The following FNIP1 variants were observed in gnomAD, a reference collection of about 807,000 sequenced individuals.
FNIP1 encodes the protein folliculin-interacting protein 1.
Under a neutral mutation model 124.5 loss-of-function variants are expected in FNIP1, and 40 were observed. That is an observed-to-expected ratio of 0.32 (90% CI 0.25 to 0.42). FNIP1 has a LOEUF of 0.42. FNIP1 is among the 10% of genes least tolerant of loss of function. The probability of loss-of-function intolerance (pLI) is 1.00; values close to 1 mark genes in which losing one functional copy is unlikely to be tolerated. For synonymous variants in FNIP1, 472 were observed against 470.6 expected, an observed-to-expected ratio of 1.00 and a Z score of -0.04; for missense variants, 1,176 against 1,403.7, an observed-to-expected ratio of 0.84 and a Z score of 2.59.
chr5:131,760,867 A>G (rs1366444046), intron 1 of FNIP1, among the ~76,000 whole-genome samples: 1 of 132,398 alleles, frequency 7.6e-6, no homozygotes. Context: ...GGAGGGAAAG[A>G]GGGAAGAAGG....
chr5:131,787,594 A>C (rs1018745636), intron 1 of FNIP1, among the ~76,000 whole-genome samples: 1 of 152,224 alleles, frequency 6.6e-6, no homozygotes, highest in Non-Finnish European at 1.5e-5. Context: ...CTTAATAGCC[A>C]CGTGACATGG....
chr5:131,707,472 C>T (rs1015531589), intron 8 of FNIP1, among the ~76,000 whole-genome samples: 2 of 152,170 alleles, frequency 1.3e-5, no homozygotes, highest in Admixed American at 1.3e-4. Flanking sequence ...AAAACTGAGA[C>T]ACTTTCATTA....
At chr5:131,722,489 C>A (rs1361430544) in intron 3 of FNIP1, among the ~76,000 whole-genome samples, 3 of 152,162 alleles carry the variant, frequency 2.0e-5, no homozygotes, top group Non-Finnish European at 4.4e-5. Context: ...CATTTTACAA[C>A]TGGAGACCAG....
intron 15 of FNIP1, among the ~76,000 whole-genome samples, chr5:131,657,151 C>CT (rs1479482702): frequency 1.3e-5 from 2 of 151,678 alleles, no homozygotes; most frequent in African/African-American, 4.8e-5. Context: ...CTACAGGCAC[C>CT]TGCCACCATG....
At chr5:131,650,871 G>C (rs1767018428) in intron 16 of FNIP1, among the ~76,000 whole-genome samples, 1 of 152,174 alleles carries the variant, frequency 6.6e-6, no homozygotes, top group Admixed American at 6.5e-5. Flanking sequence ...TTTAGAAAGA[G>C]GTTACCAGTA....
At chr5:131,700,749 A>C (rs1768871571) in intron 10 of FNIP1, among the ~76,000 whole-genome samples, 1 of 152,156 alleles carries the variant, frequency 6.6e-6, no homozygotes, top group Admixed American at 6.5e-5. Flanking sequence ...TAAAAAAAAA[A>C]ATAGTCTGAA....
rs59097834 is a variant in FNIP1 at position 131,657,736 on chromosome 5, C to CAAAAAAAAAAAAAAAAA, written c.3109-5754_3109-5738dup. On this transcript the variant is annotated intron_variant, in intron 15 of 17. Coordinates refer to ENST00000510461, the MANE Select transcript of FNIP1 (RefSeq NM_133372.3). Reference sequence around the variant, plus strand: ...ATGATGAAAGAGCTTGAAAATAAGGCAAAAAAAAAAAAAAAAAAAAAACGG... The same window carrying CAAAAAAAAAAAAAAAAA: ...ATGATGAAAGAGCTTGAAAATAAGGCAAAAAAAAAAAAAAAAAAAAAAAAAAAAAAAAAAAAAAACGG... Among the ~76,000 whole-genome samples the CAAAAAAAAAAAAAAAAA allele has an allele frequency of 1.1e-4, 7 of 65,042 alleles. 1 individual carries two copies. Among genetic ancestry groups the CAAAAAAAAAAAAAAAAA allele is most frequent in the African/African-American group, 3.7e-4 (6 of 16,148 alleles). The allele number at this position is 65,042 out of a possible 152,430, so 42.7% of individuals were successfully genotyped here.
chr5:131,693,337 T>TATATATAC (rs1561658359), intron 11 of FNIP1, among the ~76,000 whole-genome samples: 11 of 118,294 alleles, frequency 9.3e-5, no homozygotes, highest in Non-Finnish European at 1.6e-4. Flanking sequence ...TATATACATA[T>TATATATAC]ATATATATAT....
At chr5:131,662,501 C>T (rs2149510485) in intron 15 of FNIP1, among the ~76,000 whole-genome samples, 1 of 152,284 alleles carries the variant, frequency 6.6e-6, no homozygotes, top group South Asian at 2.1e-4. Flanking sequence ...CTCTAGACTC[C>T]TTCTGGGAAA....
chr5:131,783,169 T>C (rs1228726526), intron 1 of FNIP1, among the ~76,000 whole-genome samples: 1 of 152,220 alleles, frequency 6.6e-6, no homozygotes, highest in Non-Finnish European at 1.5e-5. Flanking sequence ...TTATATACTA[T>C]GAAGTTCCCT....
At chr5:131,675,687 T>G (rs1767888916) in intron 13 of FNIP1, among the ~76,000 whole-genome samples, 1 of 151,916 alleles carries the variant, frequency 6.6e-6, no homozygotes, top group Non-Finnish European at 1.5e-5. Context: ...AGTAGGCCAG[T>G]GGCTGCCTAG....
chr5:131,774,037 T>C (rs1771725733), intron 1 of FNIP1, among the ~76,000 whole-genome samples: 1 of 152,194 alleles, frequency 6.6e-6, no homozygotes, highest in South Asian at 2.1e-4. Flanking sequence ...TTTAATTCCT[T>C]TGCATTTTGA....
chr5:131,767,216 G>A (rs956621555), intron 1 of FNIP1, among the ~76,000 whole-genome samples: 22 of 151,822 alleles, frequency 1.4e-4, no homozygotes, highest in African/African-American at 4.8e-4. Flanking sequence ...GGCAGATCAC[G>A]AGGTCAAGAG....
rs115523580 is a variant in FNIP1, at chr5:131,677,212, A to G, written c.1519+491T>C. On this transcript the variant is annotated intron_variant, in intron 13 of 17. Coordinates refer to ENST00000510461, the MANE Select transcript of FNIP1 (RefSeq NM_133372.3). The stretch of plus-strand genomic sequence containing the variant: ...CTGGTACAATCCCTCCCTATTGTCT[A>G]TGAACTTATCAACCATCTACTCTCC... 1.8e-3 allele frequency among the ~76,000 whole-genome samples: 280 copies of G among 152,260 alleles called. 1 individual carries two copies. Among genetic ancestry groups the G allele is most frequent in the African/African-American group, 5.8e-3 (239 of 41,540 alleles).
intron 1 of FNIP1, among the ~76,000 whole-genome samples, chr5:131,777,927 T>C (rs1276260028): frequency 6.6e-6 from 1 of 152,188 alleles, no homozygotes. Context: ...ATAATTACTG[T>C]AATCATCACC....
intron 15 of FNIP1, among the ~76,000 whole-genome samples, chr5:131,668,202 G>A (rs911934054): frequency 5.9e-5 from 9 of 152,132 alleles, no homozygotes; most frequent in African/African-American, 1.9e-4. Context: ...TTTACAAGAG[G>A]TGAACAAAGT....
At chr5:131,785,199 T>A (rs529954909) in intron 1 of FNIP1, among the ~76,000 whole-genome samples, 120 of 140,290 alleles carry the variant, frequency 8.6e-4, no homozygotes, top group African/African-American at 3.2e-3. Flanking sequence ...TATATATGAC[T>A]ATATATATAT....
At chr5:131,770,957 C>T (rs537601901) in intron 1 of FNIP1, among the ~76,000 whole-genome samples, 3 of 152,180 alleles carry the variant, frequency 2.0e-5, no homozygotes, top group Admixed American at 1.3e-4. Flanking sequence ...TATTATTATA[C>T]TTTAAGTTTT....
At chr5:131,682,229 G>A (rs1048065170) in intron 11 of FNIP1, among the ~76,000 whole-genome samples, 1 of 152,132 alleles carries the variant, frequency 6.6e-6, no homozygotes, top group Admixed American at 6.5e-5. Context: ...ATGTGTCATT[G>A]CACAGAGCCA....
Sources: gnomAD v4.1 joint callset for allele counts (sites outside exome capture counted in the v4.1 genomes callset) on GRCh38, gnomAD v4.1.1 for gene constraint, MANE v1.5 for transcripts, NCBI Gene and HGNC (gene_info 2026-07-23, HGNC 2026-07-21) for gene names.